Variants in MSANTD2 observed in about 807,000 individuals in gnomAD.
The protein encoded by MSANTD2 is Myb/SANT DNA binding domain containing 2.
In MSANTD2, 19 loss-of-function variants were observed where a neutral mutation model predicts 52.6. That is an observed-to-expected ratio of 0.36 (90% CI 0.25 to 0.53). MSANTD2 has a LOEUF of 0.53. Ranked by LOEUF, MSANTD2 falls within the 20% of genes least tolerant of loss-of-function variation. MSANTD2 has a pLI of 0.91. For synonymous variants in MSANTD2, 291 were observed against 289.7 expected (o/e 1.00, Z -0.04); for missense variants, 558 against 716.3 (o/e 0.78, Z 2.52).
intron 1 of MSANTD2, among the ~76,000 whole-genome samples, chr11:124,795,992 A>T (rs978090036): frequency 2.0e-5 from 3 of 152,242 alleles, no homozygotes; most frequent in African/African-American, 7.2e-5. Context: ...CAAACGACAG[A>T]ACAAATACCA....
At chr11:124,791,797 T>C in intron 1 of MSANTD2, 2 of 557,210 alleles carry the variant, frequency 3.6e-6, no homozygotes, top group Non-Finnish European at 6.5e-6. Flanking sequence ...CAGAGAAAGA[T>C]CCCCCGCCAG....
intron 3 of MSANTD2, among the ~76,000 whole-genome samples, chr11:124,771,508 G>A (rs1037012430): frequency 2.0e-5 from 3 of 152,306 alleles, no homozygotes; most frequent in African/African-American, 7.2e-5. Flanking sequence ...TGTGGCTCAC[G>A]CCTGTAATCC....
In MSANTD2 at chr11:124,799,778, G is replaced by A. The variant is rs1211231330; in HGVS notation, c.510+93C>T. On this transcript the variant is annotated intron_variant, in intron 1 of 3. Coordinates refer to ENST00000374979, the MANE Select transcript of MSANTD2 (RefSeq NM_001308027.2). ...ATCGCCCACCGGGCCCCGGAGGAGAGCCCTGCCCTCAGACCGGCCCCCGCC... is the reference window on the plus strand; with the variant it reads ...ATCGCCCACCGGGCCCCGGAGGAGAACCCTGCCCTCAGACCGGCCCCCGCC... 5 of 901,734 alleles carry A rather than the reference G, an allele frequency of 5.5e-6. No individual in the cohort carries two copies. In the African/African-American group the frequency reaches 7.0e-5, roughly 13 times the overall value. 55.9% of individuals were successfully genotyped at this position (901,734 alleles called of 1,614,324 possible). A position where few individuals can be genotyped will look rare whatever the true frequency, so the allele number is the denominator to read the frequency against.
chr11:124,781,683 C>T lies in MSANTD2; in HGVS notation c.511-6709G>A, dbSNP rs184149095. Among the ~76,000 whole-genome samples, 6 of 147,060 alleles carry T rather than the reference C, an allele frequency of 4.1e-5. No homozygotes were observed. The East Asian group carries it at 6.0e-4, about 15-fold the overall frequency. On this transcript the variant is annotated intron_variant, in intron 1 of 3. Transcript: ENST00000374979. ...TTTTTTTTTTTTTGAGACAGATTCT[C>T]GCTCTGTCGCCTAGGCTGGAGTGCA...
chr11:124,768,874 G>A (rs182999365), intron 3 of MSANTD2, among the ~76,000 whole-genome samples: 66 of 152,202 alleles, frequency 4.3e-4, no homozygotes, highest in Admixed American at 1.5e-3. Context: ...TTTATTTCAC[G>A]GGCTGCTTAA....
intron 1 of MSANTD2, among the ~76,000 whole-genome samples, chr11:124,784,904 T>C (rs569670932): frequency 7.7e-4 from 117 of 152,248 alleles, no homozygotes; most frequent in Non-Finnish European, 1.6e-3. Flanking sequence ...AAAATATATA[T>C]TTTTTGCATT....
chr11:124,797,916 G>A lies in MSANTD2; in HGVS notation c.510+1955C>T, dbSNP rs996508690. Among the ~76,000 whole-genome samples, 10 of 152,156 alleles carry A rather than the reference G, an allele frequency of 6.6e-5. 1 individual carries two copies. Among genetic ancestry groups the A allele is most frequent in the Middle Eastern group, 3.4e-3 (1 of 294 alleles). On this transcript the variant is annotated intron_variant, in intron 1 of 3. Coordinates refer to ENST00000374979, the MANE Select transcript of MSANTD2 (RefSeq NM_001308027.2). ...AAACAACCCAATTAGATACTCCCTG[G>A]TTGAGAAACAATTTTATGGAGAGAT...
chr11:124,786,095 CTTTTTT>C (rs200399771), intron 1 of MSANTD2, among the ~76,000 whole-genome samples: 53 of 114,396 alleles, frequency 4.6e-4, no homozygotes, highest in African/African-American at 1.4e-3. Flanking sequence ...ATCATTTCTT[CTTTTTT>C]TTTTTTTTTT....
At chr11:124,798,907 AC>A (rs1215582853) in intron 1 of MSANTD2, among the ~76,000 whole-genome samples, 9 of 152,228 alleles carry the variant, frequency 5.9e-5, no homozygotes, top group Admixed American at 5.2e-4. Context: ...TTTAGCAGCC[AC>A]TACGATGAGG....
chr11:124,799,730 AG>A lies in MSANTD2; in HGVS notation c.510+140del, dbSNP rs1238701646. On this transcript the variant is annotated intron_variant, in intron 1 of 3. Coordinates refer to ENST00000374979, the MANE Select transcript of MSANTD2 (RefSeq NM_001308027.2). ...AAAAAGCCCCCTTCCCAGGGAGAGA[AG>A]AAAAAGGCGGAGGAGATGCGAATCG... 5.0e-6 allele frequency: 3 copies of A among 601,690 alleles called. No homozygotes were observed. In the African/African-American group the frequency reaches 5.9e-5, roughly 12 times the overall value. 37.3% of individuals were successfully genotyped at this position (601,690 alleles called of 1,614,324 possible).
rs761280625 is a variant in MSANTD2 at position 124,767,872 on chromosome 11, G to A, written c.984C>T (p.Ile328=). The change falls in exon 4 of 4, where the codon ATC becomes ATT. Residue 328 remains isoleucine (I), a synonymous_variant. Coordinates refer to ENST00000374979, the MANE Select transcript of MSANTD2 (RefSeq NM_001308027.2). This position sits in a 1 kb window ranked among gnomAD's most constrained non-coding sequence, Gnocchi z 6.5. The part of the protein sequence containing the change: ...IGYNTRWKED[I]RYHYAEISSQ... ...AGCTGATCTCAGCATAATGGTAACG[G>A]ATATCCTCTTTCCAACGGGTGTTAT... 7 of 1,614,216 alleles carry A rather than the reference G, an allele frequency of 4.3e-6. No individual in the cohort carries two copies. The South Asian group carries it at 4.4e-5, about 10-fold the overall frequency.
intron 1 of MSANTD2, among the ~76,000 whole-genome samples, chr11:124,781,785 T>C (rs1944982159): frequency 6.6e-6 from 1 of 152,020 alleles, no homozygotes; most frequent in African/African-American, 2.4e-5. Context: ...CCCGAGTAGC[T>C]GGGACTACAG....
chr11:124,783,450 T>C (rs1276636977), intron 1 of MSANTD2, among the ~76,000 whole-genome samples: 1 of 152,056 alleles, frequency 6.6e-6, no homozygotes, highest in Non-Finnish European at 1.5e-5. Flanking sequence ...AGATACCCTG[T>C]CTCTTCTAAA....
chr11:124,800,121 C>A lies in MSANTD2; in HGVS notation c.260G>T (p.Gly87Val), dbSNP rs975661451. The change falls in exon 1 of 4, where the codon GGC becomes GTC. Residue 87 changes from glycine (G) to valine (V), a missense_variant. Physicochemically the swap from Gly to Val is moderately radical, Grantham distance 109. Around this residue, in one of 2 missense-constraint regions of MSANTD2, gnomAD observed 150 missense variants for 142.7 expected, o/e 1.05. Coordinates refer to ENST00000374979, the MANE Select transcript of MSANTD2 (RefSeq NM_001308027.2). This position sits in a 1 kb window ranked among gnomAD's most constrained non-coding sequence, Gnocchi z 4.3. ...GGCGGCTGCCGCAGCCCCGCCACCG[C>A]CGCCACCAGGGGAGAAGGAGACCGA... ...SSSVSFSPGGGGGGAAAAAAA... is the reference protein window; with the variant it reads ...SSSVSFSPGGVGGGAAAAAAA... 2.0e-6 allele frequency: 3 copies of A among 1,482,962 alleles called. No homozygotes were observed. The highest frequency in any genetic ancestry group is 3.0e-5 in the African/African-American group (2 of 67,372). 91.9% of individuals were successfully genotyped at this position (1,482,962 alleles called of 1,614,324 possible).
At position 124,800,362 on chromosome 11, in the gene MSANTD2, A is replaced by G; in HGVS notation, c.19T>C (p.Ser7Pro). The change falls in exon 1 of 4, where the codon TCG becomes CCG. Residue 7 changes from serine to proline, a missense_variant. Around this residue, in one of 2 missense-constraint regions of MSANTD2, gnomAD observed 150 missense variants for 142.7 expected, o/e 1.05. Transcript: ENST00000374979. This position sits in a 1 kb window ranked among gnomAD's most constrained non-coding sequence, Gnocchi z 4.3. ...AGCGGCGAGTTGGCGGGCAGCTCCG[A>G]GCCACAGGGCGCAGCCATCTTCCAA... MAAPCG[S>P]ELPANSPLKI... The G allele has an allele frequency of 6.5e-7, 1 of 1,538,322 alleles. No homozygotes were observed. The highest frequency in any genetic ancestry group is 8.7e-7 in the Non-Finnish European group (1 of 1,143,692).
At chr11:124,793,750 G>A (rs1252907017) in intron 1 of MSANTD2, among the ~76,000 whole-genome samples, 2 of 151,856 alleles carry the variant, frequency 1.3e-5, no homozygotes, top group African/African-American at 4.8e-5. Flanking sequence ...GTGAGTTGAA[G>A]TTATAAGACT....
chr11:124,790,541 T>G (rs1483355173), intron 1 of MSANTD2: 2 of 152,278 alleles, frequency 1.3e-5, no homozygotes, highest in Non-Finnish European at 2.9e-5. Context: ...TTTATTCTTG[T>G]GTCTCCATCT....
intron 1 of MSANTD2, among the ~76,000 whole-genome samples, chr11:124,794,347 A>C (rs1182597666): frequency 6.6e-6 from 1 of 152,224 alleles, no homozygotes; most frequent in Non-Finnish European, 1.5e-5. Context: ...TGAAATCTTA[A>C]ATATAAGTGT....
intron 1 of MSANTD2, among the ~76,000 whole-genome samples, chr11:124,794,578 T>C (rs1201177692): frequency 2.0e-5 from 3 of 152,240 alleles, no homozygotes; most frequent in Non-Finnish European, 4.4e-5. Flanking sequence ...ATAGAAGAAA[T>C]GTCTTGTCTG....
Sources: gnomAD v4.1 joint callset for allele counts (sites outside exome capture counted in the v4.1 genomes callset) on GRCh38, gnomAD v4.1.1 for gene constraint, gnomAD v4.1.1 regional missense constraint, Gnocchi (gnomAD v3.1) non-coding constraint, MANE v1.5 for transcripts, NCBI Gene and HGNC (gene_info 2026-07-23, HGNC 2026-07-21) for gene names.